The following TCHP variants were observed in gnomAD, a reference collection of about 807,000 sequenced individuals.
TCHP encodes the protein trichoplein keratin filament-binding protein.
A neutral mutation model predicts 88.7 loss-of-function variants in TCHP; 81 were observed. The ratio of observed to expected loss-of-function variants is 0.91; its 90% CI spans 0.76 to 1.10. The LOEUF (loss-of-function observed/expected upper bound fraction) is 1.10, where lower values mean the gene tolerates loss of function less well. Among genes scored for constraint, TCHP ranks in the 50% least tolerant of loss-of-function variants. TCHP has a pLI of 0.00. For missense variants in TCHP, 641 were observed against 632.1 expected, an observed-to-expected ratio of 1.01 and a Z score of -0.15; for synonymous variants, 232 against 232.5, an observed-to-expected ratio of 1.00 and a Z score of 0.02.
intron 8 of TCHP, among the ~76,000 whole-genome samples, chr12:109,909,643 A>G (rs540073412): frequency 2.4e-4 from 36 of 152,278 alleles, no homozygotes; most frequent in Admixed American, 1.7e-3. Flanking sequence ...GACATGGTGA[A>G]ACCCCATCTC....
the TCHP span, among the ~76,000 whole-genome samples, chr12:109,890,983 A>G: frequency 1.3e-5 from 2 of 152,260 alleles, no homozygotes; most frequent in African/African-American, 4.8e-5. Context: ...GAGGACAGGC[A>G]TTAGCACACA....
chr12:109,880,690 G>A, the TCHP span: 8,361 of 152,224 alleles, frequency 0.055, 346 homozygotes, highest in East Asian at 0.12. The surrounding 1 kb of genome is among the most constrained non-coding windows in gnomAD (Gnocchi z 5.1). Context: ...AGGTGCGCCG[G>A]TTCATGGGTC....
intron 12 of TCHP, 119 bp from the exon 13 acceptor site, chr12:109,916,472 A>G: frequency 8.9e-7 from 1 of 1,119,898 alleles, no homozygotes; most frequent in South Asian, 1.7e-5. Flanking sequence ...AGATTTTTTC[A>G]GCTGGAAATG....
intron 3 of TCHP, among the ~76,000 whole-genome samples, chr12:109,904,533 T>G (rs746226481): frequency 2.9e-4 from 44 of 152,166 alleles, no homozygotes; most frequent in Non-Finnish European, 5.6e-4. Flanking sequence ...TTGGCCCCCT[T>G]TTGTCATCAT....
intron 12 of TCHP, 128 bp from the exon 13 acceptor site, chr12:109,916,463 G>T (rs1305602250): frequency 2.8e-6 from 3 of 1,063,378 alleles, no homozygotes; most frequent in Admixed American, 2.6e-5. Flanking sequence ...CTTAGGGTCA[G>T]ATTTTTTCAG....
At chr12:109,888,228 A>G in the TCHP span, 3 of 152,292 alleles carry the variant, frequency 2.0e-5, no homozygotes, top group Non-Finnish European at 4.4e-5. Flanking sequence ...GGTGGGAAGG[A>G]AAAGGGGAAG....
Position 109,914,642 on chromosome 12 carries a change from AAGGGCGGGAGG to A in TCHP, c.1320+16_1320+26del. On this transcript the variant is annotated intron_variant, in intron 11 of 12. Transcript: ENST00000405876. ...TGGAAGCCCAGGTAGGGCTGAGCCC[AAGGGCGGGAGG>A]CACCGGGCCTGCCAGGTTCTCTGCA... 1 of 1,605,296 alleles carries A rather than the reference AAGGGCGGGAGG, an allele frequency of 6.2e-7. No individual in the cohort carries two copies. Among genetic ancestry groups the A allele is most frequent in the Non-Finnish European group, 8.5e-7 (1 of 1,176,876 alleles).
the TCHP span, among the ~76,000 whole-genome samples, chr12:109,893,380 CA>C: frequency 0.19 from 23,228 of 119,770 alleles, 2,102 homozygotes; most frequent in African/African-American, 0.3. Context: ...AACTCCTTCT[CA>C]AAAAAAAAAA....
At chr12:109,882,201 A>T in the TCHP span, among the ~76,000 whole-genome samples, 1 of 152,146 alleles carries the variant, frequency 6.6e-6, no homozygotes, top group African/African-American at 2.4e-5. Flanking sequence ...CTAGAGGAGA[A>T]GTAGGATAGA....
At chr12:109,902,052 T>TA (rs1356841816) in intron 1 of TCHP, among the ~76,000 whole-genome samples, 3 of 152,236 alleles carry the variant, frequency 2.0e-5, no homozygotes, top group Non-Finnish European at 4.4e-5. Context: ...TGTCTCTGTT[T>TA]AAGCACAGCA....
chr12:109,896,736 C>A (rs1464782287), upstream of TCHP, among the ~76,000 whole-genome samples: 1 of 151,926 alleles, frequency 6.6e-6, no homozygotes, highest in Non-Finnish European at 1.5e-5. Flanking sequence ...CATGGCAAAA[C>A]CCCAACTCTA....
rs1870909947 is a variant in TCHP, at chr12:109,917,995, A to G, written c.*1372A>G. The G allele has an allele frequency of 6.6e-6, 1 of 152,232 alleles. No homozygotes were observed. The highest frequency in any genetic ancestry group is 2.4e-5 in the African/African-American group (1 of 41,456). The allele number at this position is 152,232 out of a possible 1,614,324, so 9.4% of individuals were successfully genotyped here. On this transcript the variant is annotated 3_prime_UTR_variant, in exon 13 of 13. Coordinates refer to ENST00000405876, the MANE Select transcript of TCHP (RefSeq NM_001143852.2). ...CTCTGATCCCCTGAGCAGCACGTTC[A>G]TCACGCATGCTCTCTGTTGCGTTCC...
chr12:109,902,978 G>T (rs1565907730), intron 1 of TCHP, 49 bp from the exon 2 acceptor site: 1 of 1,517,446 alleles, frequency 6.6e-7, no homozygotes, highest in South Asian at 1.3e-5. Flanking sequence ...AGCTGGTGAG[G>T]GTTCCTGGGA....
intron 9 of TCHP, among the ~76,000 whole-genome samples, chr12:109,911,905 T>TC (rs1213917180): frequency 4.6e-5 from 7 of 152,002 alleles, no homozygotes; most frequent in Non-Finnish European, 1.0e-4. Context: ...CAAGTAATTC[T>TC]CTGCCTCAGC....
chr12:109,890,593 T>A, the TCHP span, among the ~76,000 whole-genome samples: 1 of 150,630 alleles, frequency 6.6e-6, no homozygotes, highest in African/African-American at 2.4e-5. Context: ...CACTGCAACC[T>A]CTGCTTCCCA....
At chr12:109,888,956 G>A in the TCHP span, among the ~76,000 whole-genome samples, 1 of 151,924 alleles carries the variant, frequency 6.6e-6, no homozygotes, top group Non-Finnish European at 1.5e-5. Context: ...AGTTACTTGG[G>A]AGGCTGAGGT....
chr12:109,912,342 G>A (rs1006616281), intron 9 of TCHP, among the ~76,000 whole-genome samples: 2 of 152,192 alleles, frequency 1.3e-5, no homozygotes, highest in African/African-American at 2.4e-5. Context: ...TGAGCTATCA[G>A]TGACACAGGC....
At position 109,916,831 on chromosome 12, in the gene TCHP, C is replaced by A. The variant is rs1045802; in HGVS notation, c.*208C>A. 0.078 allele frequency: 44,207 copies of A among 567,118 alleles called. 2,037 individuals carry two copies. The highest frequency in any genetic ancestry group is 0.12 in the Middle Eastern group (290 of 2,394). The allele number at this position is 567,118 out of a possible 1,614,324, so 35.1% of individuals were successfully genotyped here. A position where few individuals can be genotyped will look rare whatever the true frequency, so the allele number is the denominator to read the frequency against. On this transcript the variant is annotated 3_prime_UTR_variant, in exon 13 of 13. Transcript: ENST00000405876. ...AGAGTCCCTTTCATGCCTTTCTTAC[C>A]CAAGCAAGGGTCTTTGATGGGCACG...
At position 109,903,135 on chromosome 12, in the gene TCHP, A is replaced by G. The variant is rs1269591064; in HGVS notation, c.109A>G (p.Asn37Asp). ...CCGGCTTCGGCAGCAGTGGGAGCAGAACAGCCGTTACTTCAGGATGTCTGA... is the reference window on the plus strand; with the variant it reads ...CCGGCTTCGGCAGCAGTGGGAGCAGGACAGCCGTTACTTCAGGATGTCTGA... ...EARLRQQWEQ[N>D]SRYFRMSDIC... is the part of the protein sequence containing the mutation. Residue 37 changes from asparagine to aspartate, a missense_variant, in exon 2 of 13, where the codon AAC becomes GAC. Coordinates refer to ENST00000405876, the MANE Select transcript of TCHP (RefSeq NM_001143852.2). The surrounding 1 kb of genome is among the most constrained non-coding windows in gnomAD (Gnocchi z 4.6). 1 of 1,614,046 alleles carries G rather than the reference A, an allele frequency of 6.2e-7. No individual in the cohort carries two copies. The highest frequency in any genetic ancestry group is 1.1e-5 in the South Asian group (1 of 91,078).
Sources: allele counts gnomAD v4.1 joint callset (sites outside exome capture counted in the v4.1 genomes callset), GRCh38; gene constraint gnomAD v4.1.1; non-coding constraint Gnocchi (gnomAD v3.1); transcripts MANE v1.5; gene names NCBI Gene and HGNC (gene_info 2026-07-23, HGNC 2026-07-21).